CENPQ: variants seen among roughly 807,000 people sequenced by gnomAD.
CENPQ encodes chromosome 6 open reading frame 139.
Under a neutral mutation model 36.6 loss-of-function variants are expected in CENPQ, and 27 were observed. The ratio of observed to expected loss-of-function variants is 0.74; its 90% CI spans 0.54 to 1.02. CENPQ has a LOEUF of 1.02. Among genes scored for constraint, CENPQ ranks in the 50% least tolerant of loss-of-function variants. CENPQ has a pLI of 0.00. For missense variants in CENPQ, 306 were observed against 301.8 expected (o/e 1.01, Z -0.10); for synonymous variants, 101 against 101.7 (o/e 0.99, Z 0.04).
intron 1 of CENPQ, among the ~76,000 whole-genome samples, chr6:49,464,829 G>A (rs1767959197): frequency 6.6e-6 from 1 of 152,114 alleles, no homozygotes; most frequent in Admixed American, 6.5e-5. Flanking sequence ...CTGAAGTCTT[G>A]AACAAAGTCA....
chr6:49,490,829 G>A (rs115292111), intron 8 of CENPQ, among the ~76,000 whole-genome samples: 389 of 152,248 alleles, frequency 2.6e-3, no homozygotes, highest in Non-Finnish European at 2.6e-3. Flanking sequence ...TGGTGGAGCC[G>A]TCAGAACACA....
chr6:49,474,667 G>C (rs1471690104), intron 5 of CENPQ, among the ~76,000 whole-genome samples: 4 of 152,038 alleles, frequency 2.6e-5, no homozygotes, highest in Admixed American at 2.0e-4. Context: ...GATCAGAGCA[G>C]AACTAAAGGA....
chr6:49,492,108 T>C, intron 8 of CENPQ, 36 bp from the exon 9 acceptor site: 1 of 1,529,146 alleles, frequency 6.5e-7, no homozygotes, highest in Non-Finnish European at 8.9e-7. Context: ...CATAATAAAA[T>C]GTTAACAACT....
rs1400706570 is a variant in CENPQ at position 49,488,377 on chromosome 6, C to G, written c.503C>G (p.Thr168Ser). ...GAAGAAATAGATAAAATGGTAGAGA[C>G]CACAGAGTTAATGACTGGGAATATT... ...LQEEIDKMVE[T>S]TELMTGNIQS... Residue 168 changes from threonine to serine, a missense_variant, in exon 7 of 9, where the codon ACC becomes AGC. Thr to Ser is a moderately conservative substitution (Grantham distance 58, BLOSUM62 1). Transcript: ENST00000335783. The G allele has an allele frequency of 1.2e-5, 20 of 1,609,610 alleles. No homozygotes were observed. The Admixed American group carries it at 3.0e-4, about 24-fold the overall frequency.
At chr6:49,470,113 T>A in intron 1 of CENPQ, 46 bp from the exon 2 acceptor site, 3 of 868,956 alleles carry the variant, frequency 3.5e-6, no homozygotes. Flanking sequence ...GGCTTTAGCT[T>A]TTTTTGTATT....
At chr6:49,487,859 T>A (rs546279369) in intron 6 of CENPQ, among the ~76,000 whole-genome samples, 2 of 152,266 alleles carry the variant, frequency 1.3e-5, no homozygotes, top group African/African-American at 4.8e-5. Flanking sequence ...TGTGGGAAAC[T>A]GTTACTCTTT....
chr6:49,465,804 C>T (rs1367625755), intron 1 of CENPQ, among the ~76,000 whole-genome samples: 7 of 152,152 alleles, frequency 4.6e-5, no homozygotes, highest in African/African-American at 9.7e-5. Flanking sequence ...TCTTCAATCC[C>T]GGACCACTCA....
rs1038885268 is a variant in CENPQ, at chr6:49,472,727, G to C, written c.279-63G>C. 5.5e-6 allele frequency: 7 copies of C among 1,284,394 alleles called. No individual in the cohort carries two copies. The African/African-American group carries it at 1.1e-4, about 20-fold the overall frequency. The allele number at this position is 1,284,394 out of a possible 1,614,324, so 79.6% of individuals were successfully genotyped here. A position where few individuals can be genotyped will look rare whatever the true frequency, so the allele number is the denominator to read the frequency against. On this transcript the variant is annotated intron_variant, in intron 4 of 8. Transcript: ENST00000335783. ...ACTTGAGAGAAATCAGAGAGAAAAA[G>C]TACAAAGAGTATATGATTTGTGCAT...
intron 4 of CENPQ, 35 bp from the exon 5 acceptor site, chr6:49,472,755 G>T: frequency 1.4e-6 from 2 of 1,396,262 alleles, no homozygotes; most frequent in East Asian, 2.7e-5. Flanking sequence ...TTGTGCATCA[G>T]ACTACTATTT....
chr6:49,484,704 C>T (rs1330593816), intron 6 of CENPQ, among the ~76,000 whole-genome samples: 1 of 152,136 alleles, frequency 6.6e-6, no homozygotes, highest in Admixed American at 6.6e-5. Flanking sequence ...GAGCACAAAT[C>T]TATATGTATT....
rs142659006 is a variant in CENPQ, at chr6:49,470,455, A to T, written c.102+177A>T. On this transcript the variant is annotated intron_variant, in intron 2 of 8. Coordinates refer to ENST00000335783, the MANE Select transcript of CENPQ (RefSeq NM_018132.4). ...CGTCTCTACTTAAAAAAAACAAAAA[A>T]AAAAATACAAAAAATTAGCCAGGCG... Among the ~76,000 whole-genome samples the T allele has an allele frequency of 4.1e-3, 623 of 151,534 alleles. 10 individuals are homozygous for T. Among genetic ancestry groups the T allele is most frequent in the African/African-American group, 0.014 (596 of 41,322 alleles).
At chr6:49,464,604 C>T (rs1767952950) in intron 1 of CENPQ, among the ~76,000 whole-genome samples, 3 of 152,238 alleles carry the variant, frequency 2.0e-5, no homozygotes, top group Admixed American at 2.0e-4. Flanking sequence ...GCTTTAGCAA[C>T]TAAGGTTTTG....
chr6:49,492,068 T>C (rs1768733187), intron 8 of CENPQ, 76 bp from the exon 9 acceptor site: 2 of 1,146,308 alleles, frequency 1.7e-6, no homozygotes, highest in African/African-American at 3.2e-5. Context: ...TTTATTTTAC[T>C]GTTCTCTCTA....
intron 1 of CENPQ, among the ~76,000 whole-genome samples, chr6:49,468,340 C>T (rs1768051613): frequency 6.6e-6 from 1 of 152,016 alleles, no homozygotes. Context: ...CGCCTGTAAT[C>T]TCAGCGCTTT....
At chr6:49,474,722 G>T (rs1285220471) in intron 5 of CENPQ, among the ~76,000 whole-genome samples, 1 of 152,070 alleles carries the variant, frequency 6.6e-6, no homozygotes, top group African/African-American at 2.4e-5. Context: ...GAATCCAGGA[G>T]CTGATTTTTT....
chr6:49,491,718 A>G (rs1768725708), intron 8 of CENPQ, among the ~76,000 whole-genome samples: 1 of 152,062 alleles, frequency 6.6e-6, no homozygotes, highest in African/African-American at 2.4e-5. Flanking sequence ...GAGTTCGAGA[A>G]CAGCCTGACC....
At chr6:49,485,107 T>C (rs1236575740) in intron 6 of CENPQ, among the ~76,000 whole-genome samples, 5 of 152,160 alleles carry the variant, frequency 3.3e-5, no homozygotes, top group Non-Finnish European at 7.4e-5. Context: ...GCAGGAGAGT[T>C]CTCCATTGGC....
intron 1 of CENPQ, among the ~76,000 whole-genome samples, chr6:49,464,646 G>A (rs1299181131): frequency 6.6e-6 from 1 of 152,202 alleles, no homozygotes; most frequent in Non-Finnish European, 1.5e-5. Flanking sequence ...GATATTTCAA[G>A]AATATTCACA....
intron 6 of CENPQ, 96 bp from the exon 7 acceptor site, chr6:49,488,256 G>A (rs1025907160): frequency 3.4e-6 from 3 of 884,968 alleles, no homozygotes; most frequent in Admixed American, 5.7e-5. Flanking sequence ...AATATATATG[G>A]TGTTTTTTTA....
Sources: gnomAD v4.1 joint callset for allele counts (sites outside exome capture counted in the v4.1 genomes callset) on GRCh38, gnomAD v4.1.1 for gene constraint, MANE v1.5 for transcripts, NCBI Gene and HGNC (gene_info 2026-07-23, HGNC 2026-07-21) for gene names.